SOCS6: variants seen among roughly 807,000 people sequenced by gnomAD.
The protein encoded by SOCS6 is STAT induced STAT inhibitor-4.
Under a neutral mutation model 27.7 loss-of-function variants are expected in SOCS6, and 5 were observed. The observed-to-expected ratio is 0.18, with a 90% confidence interval of 0.09 to 0.38. The LOEUF (loss-of-function observed/expected upper bound fraction) is 0.38, where lower values mean the gene tolerates loss of function less well. SOCS6 is among the 10% of genes least tolerant of loss of function. SOCS6 has a pLI of 1.00. For synonymous variants in SOCS6, 271 were observed against 260.0 expected (o/e 1.04, Z -0.41); for missense variants, 595 against 688.1 (o/e 0.86, Z 1.51).
At chr18:70,292,973 C>G (rs1375755028) in intron 1 of SOCS6, among the ~76,000 whole-genome samples, 1 of 152,150 alleles carries the variant, frequency 6.6e-6, no homozygotes, top group African/African-American at 2.4e-5. Flanking sequence ...AAGTAATTGA[C>G]TTGTGTGGTT....
chr18:70,325,818 T>A lies in SOCS6; in HGVS notation c.1150T>A (p.Trp384Arg). 6.2e-7 allele frequency: 1 copy of A among 1,614,244 alleles called. No individual in the cohort carries two copies. Among genetic ancestry groups the A allele is most frequent in the Non-Finnish European group, 8.5e-7 (1 of 1,180,040 alleles). ...EELKKLAKQG[W>R]YWGPITRWEA... is the part of the protein sequence containing the mutation. The stretch of plus-strand genomic sequence containing the variant: ...GCTGAAAAAACTTGCAAAGCAAGGA[T>A]GGTACTGGGGACCAATCACACGTTG... The change falls in exon 2 of 2, where the codon TGG becomes AGG. Residue 384 changes from tryptophan to arginine, a missense_variant. Physicochemically the swap from Trp to Arg is moderately radical, Grantham distance 101. This residue lies in a region of SOCS6 where 128 missense variants were observed against 207.0 expected (regional missense o/e 0.62). Transcript: ENST00000397942. The surrounding 1 kb of genome is among the most constrained non-coding windows in gnomAD (Gnocchi z 6.3).
At chr18:70,295,388 G>C (rs543150737) in intron 1 of SOCS6, among the ~76,000 whole-genome samples, 1 of 152,312 alleles carries the variant, frequency 6.6e-6, no homozygotes, top group East Asian at 1.9e-4. Flanking sequence ...ATGCTAGATG[G>C]TTGAAGCAGC....
chr18:70,318,311 T>G (rs1169264969), intron 1 of SOCS6, among the ~76,000 whole-genome samples: 1 of 152,230 alleles, frequency 6.6e-6, no homozygotes, highest in African/African-American at 2.4e-5. Flanking sequence ...AAAAATATTC[T>G]TATTTGTTCA....
intron 1 of SOCS6, among the ~76,000 whole-genome samples, chr18:70,314,534 A>C (rs1214180287): frequency 2.6e-5 from 4 of 152,184 alleles, no homozygotes; most frequent in African/African-American, 7.2e-5. Flanking sequence ...CATGCTTTAC[A>C]GGTTTGTGGC....
At position 70,325,064 on chromosome 18, in the gene SOCS6, C is replaced by T. The variant is rs759264328; in HGVS notation, c.396C>T (p.Tyr132=). ...IRSTSLRSHH[Y]SPAPWPLRPT... ...CCACGTCGCTCCGCAGCCATCACTA[C>T]AGTCCCGCGCCGTGGCCTCTGCGGC... Residue 132 remains tyrosine (Y), a synonymous_variant, in exon 2 of 2, where the codon TAC becomes TAT. Transcript: ENST00000397942. This position sits in a 1 kb window ranked among gnomAD's most constrained non-coding sequence, Gnocchi z 6.3. The T allele has an allele frequency of 1.2e-6, 2 of 1,614,188 alleles. No homozygotes were observed. Among genetic ancestry groups the T allele is most frequent in the African/African-American group, 1.3e-5 (1 of 75,062 alleles).
At chr18:70,298,840 C>T (rs550869069) in intron 1 of SOCS6, among the ~76,000 whole-genome samples, 1 of 152,212 alleles carries the variant, frequency 6.6e-6, no homozygotes, top group South Asian at 2.1e-4. Context: ...AACTGAGTGT[C>T]CAGGCTGGGT....
intron 1 of SOCS6, among the ~76,000 whole-genome samples, chr18:70,308,751 G>A: frequency 6.6e-6 from 1 of 152,106 alleles, no homozygotes; most frequent in East Asian, 1.9e-4. Flanking sequence ...TTTGTTAAGT[G>A]CATATGTGTT....
At chr18:70,303,610 G>A (rs542356288) in intron 1 of SOCS6, among the ~76,000 whole-genome samples, 30 of 152,182 alleles carry the variant, frequency 2.0e-4, no homozygotes, top group African/African-American at 7.0e-4. Flanking sequence ...CCTGGCTAAC[G>A]TGGTGAAACC....
intron 1 of SOCS6, among the ~76,000 whole-genome samples, chr18:70,303,412 C>A (rs1009501825): frequency 1.3e-5 from 2 of 151,394 alleles, no homozygotes; most frequent in African/African-American, 4.9e-5. Context: ...ATGTTTTTTT[C>A]TTTAATATTT....
chr18:70,301,094 A>G (rs1438469449), intron 1 of SOCS6, among the ~76,000 whole-genome samples: 2 of 152,204 alleles, frequency 1.3e-5, no homozygotes, highest in Admixed American at 6.5e-5. Context: ...CTTCAACACA[A>G]GCTCAAAGGC....
At position 70,324,535 on chromosome 18, in the gene SOCS6, T is replaced by A; in HGVS notation, c.-126-8T>A. On this transcript the variant is annotated splice_region_variant and splice_polypyrimidine_tract_variant and intron_variant, in intron 1 of 1. Transcript: ENST00000397942. Reference sequence around the variant, plus strand: ...TAATATGACTCTTTTTATATTTTTATTTTTTAGAAAATGGCTCCAAAGGTT... The same window carrying A: ...TAATATGACTCTTTTTATATTTTTAATTTTTAGAAAATGGCTCCAAAGGTT... The A allele has an allele frequency of 1.6e-6, 1 of 629,356 alleles. No individual in the cohort carries two copies. The highest frequency in any genetic ancestry group is 2.5e-5 in the South Asian group (1 of 40,026). The allele number at this position is 629,356 out of a possible 1,614,324, so 39.0% of individuals were successfully genotyped here.
intron 1 of SOCS6, among the ~76,000 whole-genome samples, chr18:70,306,796 G>T (rs1378104583): frequency 6.6e-6 from 1 of 152,156 alleles, no homozygotes; most frequent in Non-Finnish European, 1.5e-5. Context: ...AATAGGTGTT[G>T]TCAATGCCTT....
At chr18:70,319,876 G>A (rs962565152) in intron 1 of SOCS6, among the ~76,000 whole-genome samples, 7 of 152,004 alleles carry the variant, frequency 4.6e-5, no homozygotes, top group African/African-American at 1.2e-4. Context: ...AACAACGATC[G>A]ACAGACACAC....
chr18:70,325,157 C>T lies in SOCS6; in HGVS notation c.489C>T (p.Ser163=). The T allele has an allele frequency of 6.2e-7, 1 of 1,614,162 alleles. No homozygotes were observed. The highest frequency in any genetic ancestry group is 8.5e-7 in the Non-Finnish European group (1 of 1,180,016). The stretch of plus-strand genomic sequence containing the variant: ...TCAAGGCCTTGGTTCACTCTTCCAG[C>T]CCGAGTCCAGCCCTGAATGGCGTCC... The part of the protein sequence containing the change: ...VRVKALVHSS[S]PSPALNGVRK... Residue 163 remains serine (S), a synonymous_variant, in exon 2 of 2, where the codon AGC becomes AGT. Transcript: ENST00000397942. This position sits in a 1 kb window ranked among gnomAD's most constrained non-coding sequence, Gnocchi z 6.3.
chr18:70,329,681 AG>A lies in SOCS6; in HGVS notation c.*3406del, dbSNP rs1911344240. 6.0e-6 allele frequency: 1 copy of A among 167,132 alleles called. No homozygotes were observed. The highest frequency in any genetic ancestry group is 1.5e-5 in the Non-Finnish European group (1 of 68,122). 10.4% of individuals were successfully genotyped at this position (167,132 alleles called of 1,614,324 possible). A position where few individuals can be genotyped will look rare whatever the true frequency, so the allele number is the denominator to read the frequency against. Reference sequence around the variant, plus strand: ...CTTGAAAACTCTAATAAGGAACAATAGCCAGTTCCGTAAATAACTTTAAAAT... The same window carrying A: ...CTTGAAAACTCTAATAAGGAACAATACCAGTTCCGTAAATAACTTTAAAAT... On this transcript the variant is annotated 3_prime_UTR_variant, in exon 2 of 2. Transcript: ENST00000397942.
rs767390908 is a variant in SOCS6, at chr18:70,294,136, G to A, written c.-127+5046G>A. Among the ~76,000 whole-genome samples, 7 of 151,606 alleles carry A rather than the reference G, an allele frequency of 4.6e-5. No individual in the cohort carries two copies. In the East Asian group the frequency reaches 1.2e-3, roughly 25 times the overall value. Reference sequence around the variant, plus strand: ...AAATGGAATGAGATAATGCATGTTAGTGTATTAAGTGCCTGAAATATAACA... The same window carrying A: ...AAATGGAATGAGATAATGCATGTTAATGTATTAAGTGCCTGAAATATAACA... On this transcript the variant is annotated intron_variant, in intron 1 of 1. Transcript: ENST00000397942.
chr18:70,294,089 T>TA (rs78322157), intron 1 of SOCS6, among the ~76,000 whole-genome samples: 5,711 of 137,242 alleles, frequency 0.042, 142 homozygotes, highest in South Asian at 0.084. Context: ...AGACTCCGTT[T>TA]AAAAAAAAAA....
chr18:70,290,642 T>TG (rs2062294729), intron 1 of SOCS6, among the ~76,000 whole-genome samples: 1 of 152,220 alleles, frequency 6.6e-6, no homozygotes, highest in Admixed American at 6.5e-5. Flanking sequence ...TGGAGGAACC[T>TG]GGTTCGTGGA....
intron 1 of SOCS6, among the ~76,000 whole-genome samples, chr18:70,312,735 A>G (rs1426054041): frequency 6.6e-6 from 1 of 151,202 alleles, no homozygotes; most frequent in African/African-American, 2.4e-5. Context: ...CACAATCAAG[A>G]TATAGAACAA....
Sources: allele counts gnomAD v4.1 joint callset (sites outside exome capture counted in the v4.1 genomes callset), GRCh38; gene constraint gnomAD v4.1.1; regional missense constraint gnomAD v4.1.1; non-coding constraint Gnocchi (gnomAD v3.1); transcripts MANE v1.5; gene names NCBI Gene and HGNC (gene_info 2026-07-23, HGNC 2026-07-21).